DROSHA: variants seen among roughly 807,000 people sequenced by gnomAD.
The protein encoded by DROSHA is drosha ribonuclease III, also known as ribonuclease 3.
Under a neutral mutation model 181.9 loss-of-function variants are expected in DROSHA, and 56 were observed. That is an observed-to-expected ratio of 0.31 (90% CI 0.25 to 0.38). DROSHA has a LOEUF of 0.38. Ranked by LOEUF, DROSHA falls within the 10% of genes least tolerant of loss-of-function variation. The probability of loss-of-function intolerance (pLI) is 1.00; values close to 1 mark genes in which losing one functional copy is unlikely to be tolerated. For missense variants in DROSHA, 1,218 were observed against 1,743.5 expected (o/e 0.70, Z 5.37); for synonymous variants, 524 against 591.2 (o/e 0.89, Z 1.65).
At chr5:31,477,411 G>A (rs568276971) in intron 16 of DROSHA, among the ~76,000 whole-genome samples, 2 of 152,294 alleles carry the variant, frequency 1.3e-5, no homozygotes, top group East Asian at 1.9e-4. Flanking sequence ...TATTCCTGCT[G>A]AGACATCCTA....
rs1157520188 is a variant in DROSHA, at chr5:31,472,215, G to A, written c.2089C>T (p.Leu697=). 1.2e-6 allele frequency: 2 copies of A among 1,607,874 alleles called. No individual in the cohort carries two copies. Among genetic ancestry groups the A allele is most frequent in the Non-Finnish European group, 1.7e-6 (2 of 1,176,872 alleles). Residue 697 remains leucine, a synonymous_variant, in exon 17 of 36, where the codon CTG becomes TTG. Transcript: ENST00000344624. ...TACAGGAGAATCTGGTGCATGGACA[G>A]CACTTCCTTTCCTCCATCTTGGGTG... The part of the protein sequence containing the change: ...RFLPDGGKEV[L]SMHQILLYLL...
chr5:31,401,582 TTTATATTTAATAAAA>T lies in DROSHA; in HGVS notation c.3995-35_3995-21del. The T allele has an allele frequency of 7.2e-7, 1 of 1,383,634 alleles. No individual in the cohort carries two copies. The highest frequency in any genetic ancestry group is 9.4e-7 in the Non-Finnish European group (1 of 1,064,368). 85.7% of individuals were successfully genotyped at this position (1,383,634 alleles called of 1,614,324 possible). A position where few individuals can be genotyped will look rare whatever the true frequency, so the allele number is the denominator to read the frequency against. On this transcript the variant is annotated intron_variant, in intron 35 of 35. Coordinates refer to ENST00000344624, the MANE Select transcript of DROSHA (RefSeq NM_001382508.1). ...AATTATCTGACACAAGGAAATATAT[TTTATATTTAATAAAA>T]TTATATTTAATAATCTAGTGCAAAG...
rs1157408195 is a variant in DROSHA at position 31,526,466 on chromosome 5, G to A, written c.467C>T (p.Pro156Leu). ...AACCTGCTGCGGCATGACTGGAGGG[G>A]GCGGGGGATGAGGCATGGAGGGAGG... ...MPPPSMPHPP[P>L]PPVMPQQVNY... The change falls in exon 5 of 36, where the codon CCC becomes CTC. Residue 156 changes from proline (P) to leucine (L), a missense_variant. This residue lies in a region of DROSHA where 536 missense variants were observed against 535.4 expected (regional missense o/e 1.00). Transcript: ENST00000344624. 1.9e-6 allele frequency: 3 copies of A among 1,609,930 alleles called. No homozygotes were observed. The South Asian group carries it at 3.3e-5, about 18-fold the overall frequency.
At chr5:31,531,046 A>G (rs1421669274) in intron 2 of DROSHA, 122 bp from the exon 3 acceptor site, 3 of 391,578 alleles carry the variant, frequency 7.7e-6, no homozygotes, top group African/African-American at 2.1e-5. Context: ...TCACTGAGTC[A>G]TGCAATATTT....
intron 4 of DROSHA, 103 bp downstream of exon 4, chr5:31,528,937 C>A: frequency 8.9e-6 from 13 of 1,454,556 alleles, no homozygotes; most frequent in East Asian, 2.4e-5. Flanking sequence ...ATTATCCCCT[C>A]TCCCCATGTA....
intron 30 of DROSHA, among the ~76,000 whole-genome samples, chr5:31,414,242 C>A (rs190493371): frequency 5.3e-5 from 8 of 151,780 alleles, no homozygotes; most frequent in African/African-American, 1.9e-4. Flanking sequence ...ATTGTTTTGG[C>A]GGAAGGATTT....
At chr5:31,513,788 G>A (rs1269491185) in intron 8 of DROSHA, among the ~76,000 whole-genome samples, 2 of 151,966 alleles carry the variant, frequency 1.3e-5, no homozygotes, top group Non-Finnish European at 2.9e-5. Context: ...AAATCTGCAC[G>A]AGTTCATTAA....
Position 31,493,309 on chromosome 5 carries a change from A to C in DROSHA, c.1756-16T>G. The stretch of plus-strand genomic sequence containing the variant: ...GCCTGTCAGTCTAAAAGCAAACAGA[A>C]ACACGAACCCCAAATTAAATAAATG... On this transcript the variant is annotated splice_polypyrimidine_tract_variant and intron_variant, in intron 12 of 35. Transcript: ENST00000344624. The C allele has an allele frequency of 6.3e-7, 1 of 1,580,450 alleles. No homozygotes were observed.
At chr5:31,523,929 C>T (rs1041506455) in intron 5 of DROSHA, among the ~76,000 whole-genome samples, 11 of 143,702 alleles carry the variant, frequency 7.7e-5, no homozygotes, top group African/African-American at 1.8e-4. Flanking sequence ...GAGCCGAGAT[C>T]GCGCCATCAC....
chr5:31,415,887 C>CA (rs546164306), intron 30 of DROSHA, among the ~76,000 whole-genome samples: 9 of 152,106 alleles, frequency 5.9e-5, no homozygotes, highest in African/African-American at 1.9e-4. Flanking sequence ...CTGCATACAC[C>CA]AACCTAAAAA....
chr5:31,511,067 TC>T lies in DROSHA; in HGVS notation c.1399del (p.Glu467AsnfsTer11), dbSNP rs759853703. The T allele has an allele frequency of 6.2e-7, 1 of 1,613,900 alleles. No homozygotes were observed. On this transcript the variant is annotated frameshift_variant, in exon 9 of 36. Coordinates refer to ENST00000344624, the MANE Select transcript of DROSHA (RefSeq NM_001382508.1). LOFTEE classifies it high-confidence loss of function. The part of the protein sequence containing the change: ...EKAKAARPPW[E>X]PPKTKLDEDL... ...TTCATCGAGCTTCGTCTTTGGAGGT[TC>T]CCACGGAGGCCGAGCAGCTTTGGCC...
At chr5:31,443,824 T>C (rs1194205862) in intron 23 of DROSHA, among the ~76,000 whole-genome samples, 1 of 152,148 alleles carries the variant, frequency 6.6e-6, no homozygotes. Flanking sequence ...AGTCAATAAG[T>C]AAATAGCCTG....
At chr5:31,410,970 A>C in intron 30 of DROSHA, 83 bp from the exon 31 acceptor site, 5 of 1,565,202 alleles carry the variant, frequency 3.2e-6, no homozygotes, top group Non-Finnish European at 4.3e-6. Context: ...AACTAGCCTG[A>C]GAGGCTGTCA....
At chr5:31,457,266 G>A (rs1747790357) in intron 20 of DROSHA, among the ~76,000 whole-genome samples, 1 of 151,392 alleles carries the variant, frequency 6.6e-6, no homozygotes. Context: ...TGGGACTACA[G>A]GCACACACCA....
Position 31,433,844 on chromosome 5 carries a change from C to T in DROSHA, c.3042+1921G>A, listed in dbSNP as rs146920982. On this transcript the variant is annotated intron_variant, in intron 25 of 35. Coordinates refer to ENST00000344624, the MANE Select transcript of DROSHA (RefSeq NM_001382508.1). ...CTGGGATTACAGGCATAAGCCACCA[C>T]GCCCGGTATTAGTACAACTTTTAAA... 4.9e-3 allele frequency among the ~76,000 whole-genome samples: 741 copies of T among 152,336 alleles called. 7 individuals are homozygous for T. The highest frequency in any genetic ancestry group is 0.037 in the Middle Eastern group (11 of 294).
intron 33 of DROSHA, among the ~76,000 whole-genome samples, chr5:31,408,234 C>A (rs1740882000): frequency 6.6e-6 from 1 of 152,178 alleles, no homozygotes; most frequent in Non-Finnish European, 1.5e-5. Flanking sequence ...ACAGAACACA[C>A]ACACAGATGT....
chr5:31,457,224 A>T (rs1236330177), intron 20 of DROSHA, among the ~76,000 whole-genome samples: 2 of 148,244 alleles, frequency 1.3e-5, no homozygotes, highest in Non-Finnish European at 3.0e-5. Context: ...CTTGGGTTCA[A>T]GCTATTCTCC....
At chr5:31,434,954 G>C (rs1744611687) in intron 25 of DROSHA, among the ~76,000 whole-genome samples, 1 of 152,172 alleles carries the variant, frequency 6.6e-6, no homozygotes, top group Non-Finnish European at 1.5e-5. Context: ...ATTATGCGTA[G>C]CACTTTATAA....
intron 23 of DROSHA, among the ~76,000 whole-genome samples, chr5:31,444,296 C>A (rs1745995811): frequency 6.6e-6 from 1 of 152,130 alleles, no homozygotes; most frequent in Non-Finnish European, 1.5e-5. Context: ...TTGGGGTCAA[C>A]TCTGCATCAG....
Sources: allele counts gnomAD v4.1 joint callset (sites outside exome capture counted in the v4.1 genomes callset), GRCh38; gene constraint gnomAD v4.1.1; regional missense constraint gnomAD v4.1.1; transcripts MANE v1.5; gene names NCBI Gene and HGNC (gene_info 2026-07-23, HGNC 2026-07-21).